PCDHA11: variants seen among roughly 807,000 people sequenced by gnomAD.
PCDHA11 encodes protocadherin alpha-11.
A neutral mutation model predicts 70.3 loss-of-function variants in PCDHA11; 61 were observed. That is an observed-to-expected ratio of 0.87 (90% CI 0.71 to 1.07). The LOEUF is 1.07. PCDHA11 is among the 50% of genes least tolerant of loss of function. PCDHA11 has a pLI of 0.00. For missense variants in PCDHA11, 1,324 were observed against 1,237.5 expected (o/e 1.07, Z -1.05); for synonymous variants, 633 against 555.1 (o/e 1.14, Z -1.97).
intron 1 of PCDHA11, among the ~76,000 whole-genome samples, chr5:140,924,976 C>T (rs1376073492): frequency 6.6e-6 from 1 of 151,048 alleles, no homozygotes; most frequent in Non-Finnish European, 1.5e-5. Context: ...TGCAGTGGCT[C>T]ATGTCTGTAA....
intron 1 of PCDHA11, chr5:140,929,303 A>G (rs782378312): frequency 1.1e-5 from 17 of 1,586,722 alleles, no homozygotes; most frequent in Non-Finnish European, 1.1e-5. Context: ...AGGAAAGGGG[A>G]TCACGCTAAT....
rs375892305 is a variant in PCDHA11 at position 140,870,369 on chromosome 5, G to A, written c.1266G>A (p.Leu422=). ...GCGAGAACGTGTGGGCCTATGAACT[G>A]GTGGTGACTGCGCGGGATGGGGGTT... The part of the protein sequence containing the change: ...LDRENVWAYE[L]VVTARDGGSP... The change falls in exon 1 of 4, where the codon CTG becomes CTA. Residue 422 remains leucine, a synonymous_variant. Coordinates refer to ENST00000398640, the MANE Select transcript of PCDHA11 (RefSeq NM_018902.5). 117 of 1,614,088 alleles carry A rather than the reference G, an allele frequency of 7.2e-5. No individual in the cohort carries two copies. Among genetic ancestry groups the A allele is most frequent in the Admixed American group, 2.3e-4 (14 of 60,004 alleles).
chr5:140,980,265 A>G (rs1041506600), intron 2 of PCDHA11, among the ~76,000 whole-genome samples: 1 of 152,258 alleles, frequency 6.6e-6, no homozygotes, highest in Non-Finnish European at 1.5e-5. Flanking sequence ...CATGGTTTAC[A>G]GTACCAACTC....
rs147892853 is a variant in PCDHA11 at position 140,979,173 on chromosome 5, C to A, written c.2450+166C>A. ...CCCATGTTTATTCCTTGAAAGATCG[C>A]AAATGGTCAGTGCCAGATGCTTATC... On this transcript the variant is annotated intron_variant, in intron 2 of 3. Transcript: ENST00000398640. The A allele has an allele frequency of 5.2e-6, 5 of 958,838 alleles. No individual in the cohort carries two copies. The Admixed American group carries it at 3.1e-4, about 59-fold the overall frequency. 59.4% of individuals were successfully genotyped at this position (958,838 alleles called of 1,614,324 possible).
chr5:140,876,690 G>T, intron 1 of PCDHA11: 1 of 1,614,174 alleles, frequency 6.2e-7, no homozygotes, highest in Admixed American at 1.7e-5. Flanking sequence ...ATTACTACTC[G>T]TTGGTGCTGG....
chr5:140,993,397 T>C (rs2097553822), intron 3 of PCDHA11, among the ~76,000 whole-genome samples: 2 of 151,682 alleles, frequency 1.3e-5, no homozygotes, highest in Admixed American at 1.3e-4. Context: ...ACTCCATCAT[T>C]AACCACCTTC....
In PCDHA11 at chr5:140,904,046, T is replaced by C. The variant is rs2153483198; in HGVS notation, c.2391+32552T>C. 2.0e-5 allele frequency among the ~76,000 whole-genome samples: 3 copies of C among 152,346 alleles called. No homozygotes were observed. The East Asian group carries it at 5.8e-4, about 29-fold the overall frequency. ...GTATAATTTAACTTTTTAATTTTTT[T>C]ATTTCAATGGGTTTTTGGGGAACAG... On this transcript the variant is annotated intron_variant, in intron 1 of 3. Coordinates refer to ENST00000398640, the MANE Select transcript of PCDHA11 (RefSeq NM_018902.5).
intron 1 of PCDHA11, chr5:140,969,328 T>C (rs2096319778): frequency 1.2e-6 from 2 of 1,614,124 alleles, no homozygotes; most frequent in Admixed American, 1.7e-5. Flanking sequence ...TTTCTCAAAA[T>C]GAGGTGAGAC....
chr5:140,869,286 G>A lies in PCDHA11; in HGVS notation c.183G>A (p.Gln61=). 1.2e-6 allele frequency: 2 copies of A among 1,613,616 alleles called. No individual in the cohort carries two copies. The highest frequency in any genetic ancestry group is 1.7e-6 in the Non-Finnish European group (2 of 1,179,974). ...GGCTGGAGCTGGCGGAGCTGGTGCA[G>A]CGCCTGTTCCGGGTGGCGTCCAAAA... The part of the protein sequence containing the change: ...DLGLELAELV[Q]RLFRVASKTH... The change falls in exon 1 of 4, where the codon CAG becomes CAA. Residue 61 remains glutamine (Q), a synonymous_variant. Transcript: ENST00000398640.
chr5:141,003,151 C>T (rs1554258934), intron 3 of PCDHA11, among the ~76,000 whole-genome samples: 2 of 152,224 alleles, frequency 1.3e-5, no homozygotes, highest in African/African-American at 2.4e-5. Flanking sequence ...AGACTCTGAC[C>T]TGATCAATCC....
intron 1 of PCDHA11, among the ~76,000 whole-genome samples, chr5:140,889,644 C>A (rs2062317759): frequency 6.6e-6 from 1 of 151,938 alleles, no homozygotes; most frequent in African/African-American, 2.4e-5. Flanking sequence ...TTTGTGTTTG[C>A]AGGAGATGTC....
Position 140,870,957 on chromosome 5 carries a change from C to T in PCDHA11, c.1854C>T (p.Arg618=). ...TGCAGCCGGCGGCGGGCGGCTCGCG[C>T]ATCCCGTTCCGCGTGGGGCTGTACA... ...YELQPAAGGS[R]IPFRVGLYTG... The change falls in exon 1 of 4, where the codon CGC becomes CGT. Residue 618 remains arginine (R), a synonymous_variant. Transcript: ENST00000398640. 6.2e-7 allele frequency: 1 copy of T among 1,613,704 alleles called. No homozygotes were observed. The highest frequency in any genetic ancestry group is 8.5e-7 in the Non-Finnish European group (1 of 1,179,892).
intron 3 of PCDHA11, among the ~76,000 whole-genome samples, chr5:140,997,684 G>A (rs2097780776): frequency 6.6e-6 from 1 of 152,116 alleles, no homozygotes; most frequent in African/African-American, 2.4e-5. Context: ...GTGTGTGTGT[G>A]TGTGTGTGTG....
intron 1 of PCDHA11, chr5:140,967,577 C>G (rs141338011): frequency 1.2e-6 from 2 of 1,614,016 alleles, no homozygotes; most frequent in Non-Finnish European, 1.7e-6. Flanking sequence ...GGAGGACTCA[C>G]CCCCAGGCAC....
At chr5:140,883,904 G>C in intron 1 of PCDHA11, 1 of 1,613,344 alleles carries the variant, frequency 6.2e-7, no homozygotes, top group Non-Finnish European at 8.5e-7. Context: ...GCCGCCTCTG[G>C]GCAGCAACGT....
intron 1 of PCDHA11, chr5:140,930,420 A>G (rs996872425): frequency 1.3e-5 from 2 of 151,962 alleles, no homozygotes; most frequent in Non-Finnish European, 2.9e-5. Context: ...CAGGGGTCTC[A>G]CTATGTTGCC....
At chr5:141,009,118 C>G (rs2098400274) in intron 3 of PCDHA11, among the ~76,000 whole-genome samples, 1 of 152,182 alleles carries the variant, frequency 6.6e-6, no homozygotes, top group Non-Finnish European at 1.5e-5. Flanking sequence ...AAACTAGATT[C>G]TTGGTATCCT....
chr5:140,939,613 A>T (rs2092423002), intron 1 of PCDHA11, among the ~76,000 whole-genome samples: 1 of 152,232 alleles, frequency 6.6e-6, no homozygotes, highest in African/African-American at 2.4e-5. Context: ...CAGAACAAGG[A>T]GACAAAAGAA....
chr5:140,932,406 T>C (rs1235222855), intron 1 of PCDHA11, among the ~76,000 whole-genome samples: 1 of 151,924 alleles, frequency 6.6e-6, no homozygotes, highest in East Asian at 1.9e-4. Flanking sequence ...CATACCAATG[T>C]TATATTAGTG....
Sources: allele counts gnomAD v4.1 joint callset (sites outside exome capture counted in the v4.1 genomes callset), GRCh38; gene constraint gnomAD v4.1.1; transcripts MANE v1.5; gene names NCBI Gene and HGNC (gene_info 2026-07-23, HGNC 2026-07-21).